The following CNTNAP2 variants were observed in gnomAD, a reference collection of about 807,000 sequenced individuals.
CNTNAP2 encodes contactin-associated protein-like 2.
A neutral mutation model predicts 155.2 loss-of-function variants in CNTNAP2; 98 were observed. The observed-to-expected ratio is 0.63, with a 90% CI of 0.54 to 0.75. The LOEUF (loss-of-function observed/expected upper bound fraction) is 0.75. Among genes scored for constraint, CNTNAP2 ranks in the 30% least tolerant of loss-of-function variants. The pLI is 0.00. For missense variants in CNTNAP2, 1,727 were observed against 1,688.1 expected (o/e 1.02, Z -0.40); for synonymous variants, 651 against 631.2 (o/e 1.03, Z -0.47).
intron 8 of CNTNAP2, among the ~76,000 whole-genome samples, chr7:147,297,088 A>C (rs953969556): frequency 4.6e-5 from 7 of 152,218 alleles, no homozygotes; most frequent in Non-Finnish European, 7.3e-5. Flanking sequence ...TAACAAAAAA[A>C]ATTATATCCA....
chr7:147,871,079 C>T (rs1034017362), intron 13 of CNTNAP2, among the ~76,000 whole-genome samples: 1 of 152,158 alleles, frequency 6.6e-6, no homozygotes, highest in Non-Finnish European at 1.5e-5. Flanking sequence ...GACCAACCAT[C>T]ACTGGCCTCC....
chr7:146,476,030 T>C (rs781743022), intron 1 of CNTNAP2, among the ~76,000 whole-genome samples: 3 of 152,176 alleles, frequency 2.0e-5, no homozygotes, highest in Non-Finnish European at 1.5e-5. Context: ...AAGCTGTCTC[T>C]ACACAGGTGG....
At chr7:147,502,739 G>GTATATA (rs36141642) in intron 11 of CNTNAP2, among the ~76,000 whole-genome samples, 8 of 83,036 alleles carry the variant, frequency 9.6e-5, no homozygotes, top group South Asian at 3.7e-4. Context: ...GTGTGTGTGT[G>GTATATA]TGTATATATA....
chr7:146,508,976 A>G (rs1797426641), intron 1 of CNTNAP2, among the ~76,000 whole-genome samples: 1 of 152,036 alleles, frequency 6.6e-6, no homozygotes, highest in South Asian at 2.1e-4. Flanking sequence ...TGCTTCCCCG[A>G]GGGCTGCCAT....
chr7:148,258,009 C>T (rs1476415569), intron 20 of CNTNAP2, among the ~76,000 whole-genome samples: 2 of 152,154 alleles, frequency 1.3e-5, no homozygotes, highest in Non-Finnish European at 2.9e-5. Context: ...CCATTTAACA[C>T]ATGTTAAATG....
intron 1 of CNTNAP2, among the ~76,000 whole-genome samples, chr7:146,514,733 C>CA (rs1797516383): frequency 6.6e-6 from 1 of 151,670 alleles, no homozygotes; most frequent in African/African-American, 2.4e-5. Flanking sequence ...TTTCTTTGTA[C>CA]ATTTGAGGTG....
intron 3 of CNTNAP2, among the ~76,000 whole-genome samples, chr7:146,987,946 A>AAT (rs1356912156): frequency 1.3e-5 from 2 of 152,136 alleles, no homozygotes; most frequent in Non-Finnish European, 2.9e-5. Context: ...AGCATAGTAT[A>AAT]ATGACAGGTA....
At chr7:147,565,277 C>T (rs1475375099) in intron 12 of CNTNAP2, among the ~76,000 whole-genome samples, 3 of 151,862 alleles carry the variant, frequency 2.0e-5, no homozygotes, top group Non-Finnish European at 4.4e-5. Context: ...ACATAGTGAG[C>T]GTAAGAGAGT....
chr7:148,049,159 G>C (rs1244341550), intron 15 of CNTNAP2, among the ~76,000 whole-genome samples: 8 of 152,186 alleles, frequency 5.3e-5, no homozygotes, highest in Admixed American at 3.9e-4. Context: ...AGGTTGCAGA[G>C]AGCTAAGATC....
At chr7:146,716,382 C>CAAAAAA (rs1563201029) in intron 1 of CNTNAP2, among the ~76,000 whole-genome samples, 40 of 151,920 alleles carry the variant, frequency 2.6e-4, no homozygotes, top group African/African-American at 9.2e-4. Flanking sequence ...TAAAAAAACT[C>CAAAAAA]AAAACAAAAC....
At position 147,423,909 on chromosome 7, in the gene CNTNAP2, A is replaced by G. The variant is rs1042005979; in HGVS notation, c.1670+28129A>G. On this transcript the variant is annotated intron_variant, in intron 10 of 23. Transcript: ENST00000361727. ...ATTCTATCATTATGACTCCCTTGCA[A>G]TCACCTTTGATTTCTTTGCTCCTCT... 9.9e-5 allele frequency among the ~76,000 whole-genome samples: 15 copies of G among 152,222 alleles called. 1 individual carries two copies. Among genetic ancestry groups the G allele is most frequent in the East Asian group, 1.9e-4 (1 of 5,172 alleles).
At chr7:146,762,987 C>T (rs1209956057) in intron 1 of CNTNAP2, among the ~76,000 whole-genome samples, 1 of 151,964 alleles carries the variant, frequency 6.6e-6, no homozygotes, top group Non-Finnish European at 1.5e-5. Context: ...CACTGCTAAA[C>T]CATATCAATC....
intron 1 of CNTNAP2, among the ~76,000 whole-genome samples, chr7:146,355,239 A>T (rs919970550): frequency 9.9e-5 from 15 of 152,204 alleles, no homozygotes; most frequent in African/African-American, 3.4e-4. Flanking sequence ...TTACATATCA[A>T]AAACTTGATT....
At chr7:147,911,078 A>G (rs1443474233) in intron 14 of CNTNAP2, among the ~76,000 whole-genome samples, 2 of 152,196 alleles carry the variant, frequency 1.3e-5, no homozygotes, top group Non-Finnish European at 2.9e-5. Context: ...TTTATCTAGC[A>G]AAACTGAAAC....
chr7:148,205,005 C>T (rs1275202368), intron 18 of CNTNAP2, among the ~76,000 whole-genome samples: 1 of 152,214 alleles, frequency 6.6e-6, no homozygotes, highest in African/African-American at 2.4e-5. Flanking sequence ...TCAGTAGGAG[C>T]TCATGTCTTC....
intron 1 of CNTNAP2, among the ~76,000 whole-genome samples, chr7:146,258,380 C>T (rs1324715479): frequency 6.6e-6 from 1 of 152,060 alleles, no homozygotes; most frequent in African/African-American, 2.4e-5. Context: ...TACCATTTTA[C>T]TATTTTATTA....
chr7:146,696,975 T>G (rs1800792540), intron 1 of CNTNAP2, among the ~76,000 whole-genome samples: 1 of 152,180 alleles, frequency 6.6e-6, no homozygotes, highest in Non-Finnish European at 1.5e-5. Flanking sequence ...AAGAAGAATA[T>G]ATATTTTGTG....
chr7:147,212,684 A>G (rs752777070), intron 8 of CNTNAP2, among the ~76,000 whole-genome samples: 28 of 152,144 alleles, frequency 1.8e-4, no homozygotes, highest in South Asian at 6.2e-4. Context: ...AAACCTCAGC[A>G]TCACAAATAT....
intron 1 of CNTNAP2, among the ~76,000 whole-genome samples, chr7:146,597,206 G>A (rs892271533): frequency 2.0e-5 from 3 of 151,972 alleles, no homozygotes; most frequent in Admixed American, 6.6e-5. Flanking sequence ...TAGTTTGGTG[G>A]CCGTTGTTGG....
Sources: allele counts gnomAD v4.1 joint callset (sites outside exome capture counted in the v4.1 genomes callset), GRCh38; gene constraint gnomAD v4.1.1; transcripts MANE v1.5; gene names NCBI Gene and HGNC (gene_info 2026-07-23, HGNC 2026-07-21).